The following NSUN3 variants were observed in gnomAD, a reference collection of about 807,000 sequenced individuals.
NSUN3 encodes the protein tRNA (cytosine(34)-C(5))-methyltransferase, mitochondrial.
In NSUN3, 24 loss-of-function variants were observed where a neutral mutation model predicts 36.8. That is an observed-to-expected ratio of 0.65 (90% CI 0.47 to 0.92). NSUN3 has a LOEUF of 0.92. Among genes scored for constraint, NSUN3 ranks in the 40% least tolerant of loss-of-function variants. The probability of loss-of-function intolerance (pLI) is 0.00; values close to 1 mark genes in which losing one functional copy is unlikely to be tolerated. For missense variants in NSUN3, 381 were observed against 392.8 expected (o/e 0.97, Z 0.25); for synonymous variants, 146 against 145.2 (o/e 1.01, Z -0.04).
chr3:94,085,470 ATGT>A (rs1186399252), intron 3 of NSUN3: 1 of 152,252 alleles, frequency 6.6e-6, no homozygotes, highest in Non-Finnish European at 1.5e-5. Flanking sequence ...GAAGATGGAA[ATGT>A]TGGCTGGGCG....
chr3:94,130,036 G>A lies in NSUN3; in HGVS notation c.*3546G>A, dbSNP rs1412203618. Among the ~76,000 whole-genome samples, 1 of 152,060 alleles carries A rather than the reference G, an allele frequency of 6.6e-6. No individual in the cohort carries two copies. ...CCCAAAGTGCTGGGATTACAGGCGT[G>A]AGCCACCACACCCACTGTGTATGTT... On this transcript the variant is annotated 3_prime_UTR_variant, in exon 6 of 6. Coordinates refer to ENST00000314622, the MANE Select transcript of NSUN3 (RefSeq NM_022072.5).
At chr3:94,106,089 G>A (rs1352552236) in intron 5 of NSUN3, among the ~76,000 whole-genome samples, 1 of 152,050 alleles carries the variant, frequency 6.6e-6, no homozygotes, top group Non-Finnish European at 1.5e-5. Context: ...GAACTGTTAA[G>A]AAGAGGTAGT....
chr3:94,130,813 G>A lies in NSUN3; in HGVS notation c.*4323G>A, dbSNP rs1161690279. ...AGAAACCTCTTCCTAGCCACACAGT[G>A]GGAGCCTTGTTTGACCTTTTTTAAC... is the stretch of plus-strand genomic sequence containing the variant. On this transcript the variant is annotated 3_prime_UTR_variant, in exon 6 of 6. Coordinates refer to ENST00000314622, the MANE Select transcript of NSUN3 (RefSeq NM_022072.5). 1.3e-5 allele frequency among the ~76,000 whole-genome samples: 2 copies of A among 152,166 alleles called. No individual in the cohort carries two copies. The highest frequency in any genetic ancestry group is 2.9e-5 in the Non-Finnish European group (2 of 68,034).
chr3:94,067,010 C>G (rs369294982), intron 2 of NSUN3, among the ~76,000 whole-genome samples: 53 of 152,234 alleles, frequency 3.5e-4, no homozygotes, highest in Middle Eastern at 6.8e-3. Context: ...TCTTTGTTTA[C>G]CTGGGTGTTG....
At chr3:94,116,957 A>C (rs958143251) in intron 5 of NSUN3, among the ~76,000 whole-genome samples, 1 of 132,766 alleles carries the variant, frequency 7.5e-6, no homozygotes, top group African/African-American at 2.8e-5. Context: ...TTTAGGTCAG[A>C]TTTTTAAGCC....
At position 94,126,357 on chromosome 3, in the gene NSUN3, CTTGCTCCCACGACTTCACAT is replaced by C; in HGVS notation, c.901_920del (p.Asp301TrpfsTer12). 1 of 1,614,146 alleles carries C rather than the reference CTTGCTCCCACGACTTCACAT, an allele frequency of 6.2e-7. No individual in the cohort carries two copies. Among genetic ancestry groups the C allele is most frequent in the Non-Finnish European group, 8.5e-7 (1 of 1,180,010 alleles). The stretch of plus-strand genomic sequence containing the variant: ...ATGGACATTAAAGGAATAGCAAGGA[CTTGCTCCCACGACTTCACAT>C]TTGCTCCCACTGGCCAGGAATGTGG... On this transcript the variant is annotated frameshift_variant, in exon 6 of 6. Transcript: ENST00000314622. LOFTEE classifies it high-confidence loss of function.
intron 5 of NSUN3, among the ~76,000 whole-genome samples, chr3:94,108,648 C>T (rs1297944206): frequency 3.3e-5 from 5 of 150,188 alleles, no homozygotes; most frequent in Non-Finnish European, 5.9e-5. Flanking sequence ...TGTGAGCCAC[C>T]GCGCCTGGCC....
At position 94,067,878 on chromosome 3, in the gene NSUN3, G is replaced by A. The variant is rs116343890; in HGVS notation, c.122+3332G>A. Among the ~76,000 whole-genome samples, 344 of 151,934 alleles carry A rather than the reference G, an allele frequency of 2.3e-3. 3 individuals carry two copies. Among genetic ancestry groups the A allele is most frequent in the African/African-American group, 7.8e-3 (325 of 41,404 alleles). On this transcript the variant is annotated intron_variant, in intron 2 of 5. Coordinates refer to ENST00000314622, the MANE Select transcript of NSUN3 (RefSeq NM_022072.5). The stretch of plus-strand genomic sequence containing the variant: ...TACCCACTCTGTCATGCTGTTTCTC[G>A]GTGCTACCAAATTCCATTGTGTCAC...
chr3:94,094,780 C>G (rs1242964933), intron 4 of NSUN3, among the ~76,000 whole-genome samples: 1 of 152,048 alleles, frequency 6.6e-6, no homozygotes, highest in African/African-American at 2.4e-5. Flanking sequence ...ATTAGTAGAC[C>G]TAGTAAACTT....
intron 2 of NSUN3, among the ~76,000 whole-genome samples, chr3:94,074,242 C>A (rs1396335481): frequency 6.6e-6 from 1 of 152,144 alleles, no homozygotes; most frequent in Admixed American, 6.5e-5. Flanking sequence ...CATGATGCCT[C>A]CAGCTTTGTT....
intron 5 of NSUN3, among the ~76,000 whole-genome samples, chr3:94,112,714 G>T (rs1386238684): frequency 1.3e-5 from 2 of 152,152 alleles, no homozygotes; most frequent in South Asian, 4.1e-4. Context: ...TTATTACAAG[G>T]CAGTTTAGGA....
intron 2 of NSUN3, among the ~76,000 whole-genome samples, chr3:94,065,704 A>G (rs1003615883): frequency 3.3e-5 from 5 of 152,210 alleles, no homozygotes. Flanking sequence ...GTAATATGCA[A>G]ACCGTTTATA....
intron 5 of NSUN3, among the ~76,000 whole-genome samples, chr3:94,115,644 A>C (rs2077436992): frequency 6.6e-6 from 1 of 152,180 alleles, no homozygotes; most frequent in African/African-American, 2.4e-5. Context: ...GAAAGAGGGA[A>C]AATCACTCTC....
intron 2 of NSUN3, chr3:94,076,349 T>C (rs1315089561): frequency 1.2e-6 from 1 of 826,884 alleles, no homozygotes; most frequent in South Asian, 1.3e-5. Context: ...TGAAAGGCAG[T>C]TCACTTCAGC....
chr3:94,077,989 ATT>A (rs2077253750), intron 2 of NSUN3, among the ~76,000 whole-genome samples: 1 of 151,994 alleles, frequency 6.6e-6, no homozygotes, highest in Admixed American at 6.6e-5. Context: ...TAGCTTTTGA[ATT>A]TGTTTGCTGT....
At chr3:94,064,167 T>A (rs1407735121) in intron 1 of NSUN3, 1 of 397,030 alleles carries the variant, frequency 2.5e-6, no homozygotes, top group East Asian at 5.2e-5. Context: ...TTTTTAAAAT[T>A]AATTTTGTTC....
chr3:94,128,959 T>G lies in NSUN3; in HGVS notation c.*2469T>G, dbSNP rs796941234. On this transcript the variant is annotated 3_prime_UTR_variant, in exon 6 of 6. Coordinates refer to ENST00000314622, the MANE Select transcript of NSUN3 (RefSeq NM_022072.5). Reference sequence around the variant, plus strand: ...ACACTGAGATAATATTTTACACCAGTCAGAATGGCTATTATTAAAAAGTCA... The same window carrying G: ...ACACTGAGATAATATTTTACACCAGGCAGAATGGCTATTATTAAAAAGTCA... Among the ~76,000 whole-genome samples, 1 of 152,034 alleles carries G rather than the reference T, an allele frequency of 6.6e-6. No homozygotes were observed. Among genetic ancestry groups the G allele is most frequent in the Non-Finnish European group, 1.5e-5 (1 of 68,000 alleles).
At chr3:94,091,291 C>T (rs1234114081) in intron 3 of NSUN3, among the ~76,000 whole-genome samples, 1 of 151,898 alleles carries the variant, frequency 6.6e-6, no homozygotes, top group Non-Finnish European at 1.5e-5. Context: ...GACTATCAAT[C>T]CAGAAATATA....
In NSUN3 at chr3:94,130,002, C is replaced by T. The variant is rs1431032841; in HGVS notation, c.*3512C>T. ...AACTCCTGACCTTGTCATCCACCTG[C>T]CTCAGCCTCCCAAAGTGCTGGGATT... On this transcript the variant is annotated 3_prime_UTR_variant, in exon 6 of 6. Coordinates refer to ENST00000314622, the MANE Select transcript of NSUN3 (RefSeq NM_022072.5). Among the ~76,000 whole-genome samples, 1 of 152,070 alleles carries T rather than the reference C, an allele frequency of 6.6e-6. No individual in the cohort carries two copies. Among genetic ancestry groups the T allele is most frequent in the Non-Finnish European group, 1.5e-5 (1 of 68,008 alleles).
Sources: allele counts gnomAD v4.1 joint callset (sites outside exome capture counted in the v4.1 genomes callset), GRCh38; gene constraint gnomAD v4.1.1; transcripts MANE v1.5; gene names NCBI Gene and HGNC (gene_info 2026-07-23, HGNC 2026-07-21).